USP37: variants seen among roughly 807,000 people sequenced by gnomAD.
The protein encoded by USP37 is ubiquitin carboxyl-terminal hydrolase 37.
In USP37, 27 loss-of-function variants were observed where a neutral mutation model predicts 124.0. The observed-to-expected ratio is 0.22, with a 90% confidence interval of 0.16 to 0.30. The LOEUF (loss-of-function observed/expected upper bound fraction) is 0.30, where lower values mean the gene tolerates loss of function less well. Ranked by LOEUF, USP37 falls within the 10% of genes least tolerant of loss-of-function variation. The probability of loss-of-function intolerance (pLI) is 1.00; values close to 1 mark genes in which losing one functional copy is unlikely to be tolerated. For missense variants in USP37, 889 were observed against 1,140.4 expected (o/e 0.78, Z 3.17); for synonymous variants, 365 against 388.0 (o/e 0.94, Z 0.70).
chr2:218,520,345 C>CT (rs542332442), intron 10 of USP37, among the ~76,000 whole-genome samples: 34,642 of 125,860 alleles, frequency 0.28, 5,753 homozygotes, highest in Non-Finnish European at 0.36. Flanking sequence ...TTGCCAACAG[C>CT]TTTTTTTTTT....
chr2:218,553,561 A>T lies in USP37; in HGVS notation c.320T>A (p.Leu107His), dbSNP rs1692782898. The T allele has an allele frequency of 1.9e-6, 3 of 1,612,616 alleles. No individual in the cohort carries two copies. The highest frequency in any genetic ancestry group is 2.7e-5 in the African/African-American group (2 of 74,870). ...LFLDAVHQNR[L>H]PAAMKPSQGS... is the part of the protein sequence containing the mutation. Reference sequence around the variant, plus strand: ...GGGTGATTAGTACTCACCTGCAGGAAGTCTGTTTTGATGGACTGCATCTAG... The same window carrying T: ...GGGTGATTAGTACTCACCTGCAGGATGTCTGTTTTGATGGACTGCATCTAG... The change falls in exon 5 of 26, where the codon CTT becomes CAT. Residue 107 changes from leucine (L) to histidine (H), a missense_variant. Around this residue, in one of 3 missense-constraint regions of USP37, gnomAD observed 374 missense variants for 386.0 expected, o/e 0.97. Transcript: ENST00000258399.
rs768856074 is a variant in USP37, at chr2:218,547,081, T to A, written c.440A>T (p.Lys147Ile). 18 of 1,594,376 alleles carry A rather than the reference T, an allele frequency of 1.1e-5. No individual in the cohort carries two copies. The Admixed American group carries it at 2.5e-4, about 22-fold the overall frequency. The change falls in exon 7 of 26, where the codon AAA becomes ATA. Residue 147 changes from lysine (K) to isoleucine (I), a missense_variant. Physicochemically the swap from Lys to Ile is moderately radical, Grantham distance 102 (BLOSUM62 -3). Coordinates refer to ENST00000258399, the MANE Select transcript of USP37 (RefSeq NM_020935.3). ...ATCTTTAGTTTCCAAACTTCCTCTT[T>A]TTGCAGAAGCCTGTAAAAATAAAGT... ...LSYSDNQASAKRGSLETKDDI... is the reference protein window; with the variant it reads ...LSYSDNQASAIRGSLETKDDI...
intron 4 of USP37, among the ~76,000 whole-genome samples, chr2:218,556,868 T>C (rs1318046018): frequency 6.6e-6 from 1 of 151,884 alleles, no homozygotes; most frequent in Non-Finnish European, 1.5e-5. Flanking sequence ...TGTGTATACT[T>C]ACCAGCCCCT....
intron 20 of USP37, among the ~76,000 whole-genome samples, chr2:218,474,094 G>A (rs892051348): frequency 8.5e-5 from 13 of 152,192 alleles, no homozygotes; most frequent in Non-Finnish European, 1.8e-4. Flanking sequence ...AACACCTGGT[G>A]TAAATTCAGA....
chr2:218,553,842 G>T, intron 4 of USP37, 118 bp from the exon 5 acceptor site: 1 of 1,053,684 alleles, frequency 9.5e-7, no homozygotes, highest in Non-Finnish European at 1.3e-6. Context: ...CTTCCCCACA[G>T]TAATTTAATT....
intron 10 of USP37, among the ~76,000 whole-genome samples, chr2:218,512,042 T>G (rs1049694159): frequency 6.6e-6 from 1 of 152,144 alleles, no homozygotes; most frequent in Non-Finnish European, 1.5e-5. Flanking sequence ...AAATTACTTA[T>G]TGTTTGTCTA....
At chr2:218,512,388 T>C (rs968311175) in intron 10 of USP37, among the ~76,000 whole-genome samples, 1 of 151,830 alleles carries the variant, frequency 6.6e-6, no homozygotes, top group Non-Finnish European at 1.5e-5. Context: ...ACACCAGTAG[T>C]CCCCAGCTAC....
rs544740177 is a variant in USP37 at position 218,553,816 on chromosome 2, T to C, written c.157-92A>G. ...TAAATACTAAACTTTATACTTTCCATGTTACATTTATCACTCTTCCCCACA... is the reference window on the plus strand; with the variant it reads ...TAAATACTAAACTTTATACTTTCCACGTTACATTTATCACTCTTCCCCACA... On this transcript the variant is annotated intron_variant, in intron 4 of 25. Coordinates refer to ENST00000258399, the MANE Select transcript of USP37 (RefSeq NM_020935.3). 50 of 1,250,860 alleles carry C rather than the reference T, an allele frequency of 4.0e-5. No individual in the cohort carries two copies. In the African/African-American group the frequency reaches 7.2e-4, roughly 18 times the overall value. 77.5% of individuals were successfully genotyped at this position (1,250,860 alleles called of 1,614,324 possible).
At chr2:218,527,123 C>T (rs778387349) in intron 10 of USP37, among the ~76,000 whole-genome samples, 2 of 152,124 alleles carry the variant, frequency 1.3e-5, no homozygotes, top group Admixed American at 6.6e-5. Context: ...CTATATTCCA[C>T]GATCAAGCCT....
At chr2:218,481,990 TTCAG>T in intron 17 of USP37, 76 bp downstream of exon 17, 1 of 1,447,246 alleles carries the variant, frequency 6.9e-7, no homozygotes, top group East Asian at 2.3e-5. Flanking sequence ...TATTATGTAA[TTCAG>T]TCATTCTTTT....
At chr2:218,537,009 G>A (rs903142565) in intron 8 of USP37, among the ~76,000 whole-genome samples, 1 of 151,998 alleles carries the variant, frequency 6.6e-6, no homozygotes, top group Non-Finnish European at 1.5e-5. Context: ...GATCGTATTG[G>A]GGTAATGGAA....
intron 9 of USP37, 136 bp from the exon 10 acceptor site, chr2:218,530,176 T>G (rs1691240290): frequency 1.5e-6 from 1 of 655,692 alleles, no homozygotes; most frequent in Non-Finnish European, 2.6e-6. Context: ...ATACCTCATT[T>G]TATTGCTCTT....
At chr2:218,470,301 A>G (rs1358837597) in intron 20 of USP37, among the ~76,000 whole-genome samples, 1 of 152,142 alleles carries the variant, frequency 6.6e-6, no homozygotes, top group Non-Finnish European at 1.5e-5. Flanking sequence ...CTCACATAAG[A>G]TAAATTATTA....
intron 9 of USP37, among the ~76,000 whole-genome samples, chr2:218,533,515 C>T (rs1691452928): frequency 1.3e-5 from 2 of 152,150 alleles, no homozygotes; most frequent in Admixed American, 1.3e-4. Context: ...GTGAGATGTA[C>T]CTTAACTTCA....
chr2:218,566,219 G>C (rs771851699), intron 1 of USP37, among the ~76,000 whole-genome samples: 1 of 152,196 alleles, frequency 6.6e-6, no homozygotes, highest in Non-Finnish European at 1.5e-5. Context: ...CTGATAGATG[G>C]TGGTGCTGGA....
rs952999674 is a variant in USP37, at chr2:218,485,763, T to G, written c.1591-20A>C. 4 of 1,598,192 alleles carry G rather than the reference T, an allele frequency of 2.5e-6. No homozygotes were observed. The highest frequency in any genetic ancestry group is 3.4e-6 in the Non-Finnish European group (4 of 1,174,910). The stretch of plus-strand genomic sequence containing the variant: ...TTCGGCCTATAAAAAGAAGGAAAAA[T>G]AAAGCATGAAGGTGAATCAGCATTA... On this transcript the variant is annotated intron_variant, in intron 15 of 25. Transcript: ENST00000258399.
At chr2:218,503,399 T>A (rs549465115) in intron 11 of USP37, among the ~76,000 whole-genome samples, 2 of 152,190 alleles carry the variant, frequency 1.3e-5, no homozygotes, top group Admixed American at 1.3e-4. Flanking sequence ...CCTAACTACG[T>A]ATTGTGGGAT....
At chr2:218,526,243 T>TA (rs1690956190) in intron 10 of USP37, among the ~76,000 whole-genome samples, 1 of 152,120 alleles carries the variant, frequency 6.6e-6, no homozygotes, top group African/African-American at 2.4e-5. Flanking sequence ...TTTATTTATT[T>TA]TTTTTTTTGA....
In USP37 at chr2:218,557,123, C is replaced by T. The variant is rs138309846; in HGVS notation, c.156+1375G>A. Among the ~76,000 whole-genome samples, 65 of 152,308 alleles carry T rather than the reference C, an allele frequency of 4.3e-4. 1 individual carries two copies. Among genetic ancestry groups the T allele is most frequent in the African/African-American group, 1.5e-3 (63 of 41,570 alleles). On this transcript the variant is annotated intron_variant, in intron 4 of 25. Transcript: ENST00000258399. Reference sequence around the variant, plus strand: ...GACTCAAGCAATCCTCCTGCCTCAGCCTCCCAAAGTGCTGGGATTACAGGC... The same window carrying T: ...GACTCAAGCAATCCTCCTGCCTCAGTCTCCCAAAGTGCTGGGATTACAGGC...
Sources: allele counts gnomAD v4.1 joint callset (sites outside exome capture counted in the v4.1 genomes callset), GRCh38; gene constraint gnomAD v4.1.1; regional missense constraint gnomAD v4.1.1; transcripts MANE v1.5; gene names NCBI Gene and HGNC (gene_info 2026-07-23, HGNC 2026-07-21).